Variants in PRDM16 observed in about 807,000 individuals in gnomAD.
The protein encoded by PRDM16 is PR/SET domain 16.
In PRDM16, 23 loss-of-function variants were observed where a neutral mutation model predicts 110.6. That is an observed-to-expected ratio of 0.21 (90% CI 0.15 to 0.29). The LOEUF (loss-of-function observed/expected upper bound fraction) is 0.29. PRDM16 is among the 10% of genes least tolerant of loss of function. The pLI is 1.00. For missense variants in PRDM16, 1,615 were observed against 1,794.3 expected, an observed-to-expected ratio of 0.90 and a Z score of 1.81; for synonymous variants, 799 against 781.8, an observed-to-expected ratio of 1.02 and a Z score of -0.37.
chr1:3,280,733 C>A (rs553856113), intron 3 of PRDM16, among the ~76,000 whole-genome samples: 1 of 152,218 alleles, frequency 6.6e-6, no homozygotes, highest in Non-Finnish European at 1.5e-5. Flanking sequence ...TGAAAGGGAA[C>A]CTTGAGAAAG....
chr1:3,356,881 T>C (rs930095373), intron 3 of PRDM16, among the ~76,000 whole-genome samples: 1 of 152,132 alleles, frequency 6.6e-6, no homozygotes, highest in Non-Finnish European at 1.5e-5. Context: ...AGGTGCCGGC[T>C]GGCTACCCCG....
At chr1:3,211,258 T>C (rs1356608344) in intron 2 of PRDM16, among the ~76,000 whole-genome samples, 3 of 152,234 alleles carry the variant, frequency 2.0e-5, no homozygotes, top group Admixed American at 6.5e-5. Context: ...CCTTCTTCCC[T>C]AAGCTGTCTT....
chr1:3,110,671 G>A (rs766711881), intron 1 of PRDM16, among the ~76,000 whole-genome samples: 43 of 152,368 alleles, frequency 2.8e-4, no homozygotes, highest in Non-Finnish European at 4.0e-4. Context: ...TCTAAAGAGA[G>A]AATGTATTTC....
rs1446242991 is a variant in PRDM16, at chr1:3,148,400, G to A, written c.38-37725G>A. Among the ~76,000 whole-genome samples the A allele has an allele frequency of 6.6e-6, 1 of 152,162 alleles. No individual in the cohort carries two copies. The highest frequency in any genetic ancestry group is 6.5e-5 in the Admixed American group (1 of 15,278). ...TGCAGGAGGGCCAGTGGCCAGAGGT[G>A]AGGAAGGAGCTGTCCGGCAGGGCTG... is the stretch of plus-strand genomic sequence containing the variant. On this transcript the variant is annotated intron_variant, in intron 1 of 16. Transcript: ENST00000270722. The surrounding 1 kb of genome is among the most constrained non-coding windows in gnomAD (Gnocchi z 5.0).
intron 3 of PRDM16, among the ~76,000 whole-genome samples, chr1:3,289,663 C>G: frequency 6.6e-6 from 1 of 152,184 alleles, no homozygotes. Flanking sequence ...CTGGCAGAAG[C>G]GAGGATGGCC....
At chr1:3,101,629 C>T (rs951212973) in intron 1 of PRDM16, among the ~76,000 whole-genome samples, 2 of 152,180 alleles carry the variant, frequency 1.3e-5, no homozygotes, top group African/African-American at 4.8e-5. Flanking sequence ...CCAGGGCACC[C>T]GTGGGGGTCT....
At chr1:3,082,291 A>G (rs2100580091) in intron 1 of PRDM16, among the ~76,000 whole-genome samples, 1 of 152,288 alleles carries the variant, frequency 6.6e-6, no homozygotes, top group Non-Finnish European at 1.5e-5. Flanking sequence ...TGGGTTCTGC[A>G]GGAGCAGGCA....
At position 3,428,378 on chromosome 1, in the gene PRDM16, C is replaced by T. The variant is rs543978325; in HGVS notation, c.3284+2153C>T. Among the ~76,000 whole-genome samples, 182 of 152,114 alleles carry T rather than the reference C, an allele frequency of 1.2e-3. 1 individual carries two copies. Among genetic ancestry groups the T allele is most frequent in the African/African-American group, 3.6e-3 (148 of 41,402 alleles). On this transcript the variant is annotated intron_variant, in intron 14 of 16. Transcript: ENST00000270722. ...CTAAGAGAAAGAGATGTGGCCGGGC[C>T]TCCCCCTCGCCTATGGCAAGGCCCA...
chr1:3,170,280 A>C (rs1644010980), intron 1 of PRDM16, among the ~76,000 whole-genome samples: 1 of 152,134 alleles, frequency 6.6e-6, no homozygotes, highest in Non-Finnish European at 1.5e-5. Context: ...GGGGGTGCAG[A>C]GATCCCCCGC....
chr1:3,436,264 A>G lies in PRDM16; in HGVS notation c.*2453A>G. 4.4e-6 allele frequency: 1 copy of G among 229,290 alleles called. No individual in the cohort carries two copies. Among genetic ancestry groups the G allele is most frequent in the East Asian group, 6.2e-5 (1 of 16,224 alleles). The allele number at this position is 229,290 out of a possible 1,614,324, so 14.2% of individuals were successfully genotyped here. ...GGACATTCGGACGGATGGAGCCCTC[A>G]GCGTGTCTTTTCAGCAGGAGCAGAA... On this transcript the variant is annotated 3_prime_UTR_variant, in exon 17 of 17. Coordinates refer to ENST00000270722, the MANE Select transcript of PRDM16 (RefSeq NM_022114.4).
At position 3,114,574 on chromosome 1, in the gene PRDM16, T is replaced by G. The variant is rs10909877; in HGVS notation, c.37+45278T>G. ...CACACGTGCACAAACAAGCACACAC[T>G]TGCACACACAAGAACACACGTGCAC... is the stretch of plus-strand genomic sequence containing the variant. On this transcript the variant is annotated intron_variant, in intron 1 of 16. Coordinates refer to ENST00000270722, the MANE Select transcript of PRDM16 (RefSeq NM_022114.4). 2.5e-3 allele frequency among the ~76,000 whole-genome samples: 385 copies of G among 151,132 alleles called. 1 individual carries two copies. The highest frequency in any genetic ancestry group is 8.8e-3 in the African/African-American group (362 of 41,210).
intron 1 of PRDM16, among the ~76,000 whole-genome samples, chr1:3,108,093 C>A (rs986177992): frequency 6.6e-6 from 1 of 152,254 alleles, no homozygotes; most frequent in Admixed American, 6.5e-5. Context: ...CTCAGTTCCA[C>A]AGCCTGGGAG....
chr1:3,195,716 A>G (rs1638457154), intron 2 of PRDM16, among the ~76,000 whole-genome samples: 1 of 152,104 alleles, frequency 6.6e-6, no homozygotes, highest in Non-Finnish European at 1.5e-5. Context: ...CAGAAGCAGG[A>G]GGGAGAAGGG....
At chr1:3,166,435 C>T (rs1023426429) in intron 1 of PRDM16, among the ~76,000 whole-genome samples, 4 of 152,224 alleles carry the variant, frequency 2.6e-5, no homozygotes, top group Non-Finnish European at 5.9e-5. Flanking sequence ...GAGGCGCGTC[C>T]GGGCGAGGCT....
At chr1:3,387,999 C>T (rs1643231517) in intron 4 of PRDM16, among the ~76,000 whole-genome samples, 1 of 152,280 alleles carries the variant, frequency 6.6e-6, no homozygotes, top group East Asian at 1.9e-4. Flanking sequence ...CATTTCCATT[C>T]CCTGGCCTTG....
rs758117851 is a variant in PRDM16 at position 3,115,632 on chromosome 1, C to T, written c.37+46336C>T. Among the ~76,000 whole-genome samples the T allele has an allele frequency of 2.3e-4, 35 of 151,972 alleles. 1 individual carries two copies. Among genetic ancestry groups the T allele is most frequent in the Non-Finnish European group, 3.5e-4 (24 of 67,902 alleles). On this transcript the variant is annotated intron_variant, in intron 1 of 16. Coordinates refer to ENST00000270722, the MANE Select transcript of PRDM16 (RefSeq NM_022114.4). ...TGAAGCCGAGAGGGGGCGGGGGCCA[C>T]GGAGGGTCTTGGCATCCCCTGAGTG...
At chr1:3,270,538 C>T (rs1490257534) in intron 3 of PRDM16, among the ~76,000 whole-genome samples, 1 of 149,466 alleles carries the variant, frequency 6.7e-6, no homozygotes, top group African/African-American at 2.5e-5. Context: ...GGAAGACAGT[C>T]CTGGAGGAAG....
At position 3,342,486 on chromosome 1, in the gene PRDM16, C is replaced by T. The variant is rs540507373; in HGVS notation, c.439-42666C>T. Reference sequence around the variant, plus strand: ...GAAGTGACAGAGGTGAGTCTCAAACCAGGCAGTCTGGCCTCAGAGCCCCCA... The same window carrying T: ...GAAGTGACAGAGGTGAGTCTCAAACTAGGCAGTCTGGCCTCAGAGCCCCCA... On this transcript the variant is annotated intron_variant, in intron 3 of 16. Coordinates refer to ENST00000270722, the MANE Select transcript of PRDM16 (RefSeq NM_022114.4). Among the ~76,000 whole-genome samples, 7 of 152,330 alleles carry T rather than the reference C, an allele frequency of 4.6e-5. No homozygotes were observed. In the South Asian group the frequency reaches 6.2e-4, roughly 14 times the overall value.
chr1:3,313,250 C>G (rs533653332), intron 3 of PRDM16, among the ~76,000 whole-genome samples: 15 of 152,350 alleles, frequency 9.8e-5, no homozygotes, highest in Admixed American at 3.3e-4. Flanking sequence ...GGAATGTGAC[C>G]GCGCTGTCTA....
Sources: gnomAD v4.1 joint callset for allele counts (sites outside exome capture counted in the v4.1 genomes callset) on GRCh38, gnomAD v4.1.1 for gene constraint, Gnocchi (gnomAD v3.1) non-coding constraint, MANE v1.5 for transcripts, NCBI Gene and HGNC (gene_info 2026-07-23, HGNC 2026-07-21) for gene names.